The following SNCAIP variants were observed in gnomAD, a reference collection of about 807,000 sequenced individuals.
The protein encoded by SNCAIP is synphilin-1.
A neutral mutation model predicts 86.7 loss-of-function variants in SNCAIP; 43 were observed. That is an observed-to-expected ratio of 0.50 (90% CI 0.39 to 0.64). The LOEUF (loss-of-function observed/expected upper bound fraction) is 0.64. SNCAIP is among the 30% of genes least tolerant of loss of function. The probability of loss-of-function intolerance (pLI) is 0.00; values close to 1 mark genes in which losing one functional copy is unlikely to be tolerated. For synonymous variants in SNCAIP, 417 were observed against 427.2 expected, an observed-to-expected ratio of 0.98 and a Z score of 0.29; for missense variants, 981 against 1,103.1, an observed-to-expected ratio of 0.89 and a Z score of 1.57.
At chr5:122,318,739 C>A (rs907069227) in intron 1 of SNCAIP, among the ~76,000 whole-genome samples, 12 of 152,058 alleles carry the variant, frequency 7.9e-5, no homozygotes, top group African/African-American at 2.9e-4. Context: ...CTAATAACAA[C>A]CTTAAGGAGG....
At chr5:122,376,592 G>A (rs913527415) in intron 1 of SNCAIP, among the ~76,000 whole-genome samples, 1 of 152,064 alleles carries the variant, frequency 6.6e-6, no homozygotes, top group East Asian at 1.9e-4. Flanking sequence ...TTTTGTCCTT[G>A]TGGAATTGAT....
chr5:122,409,172 A>G (rs917814841), intron 3 of SNCAIP, among the ~76,000 whole-genome samples: 4 of 152,236 alleles, frequency 2.6e-5, no homozygotes, highest in Admixed American at 2.0e-4. Flanking sequence ...TCATGTGGGA[A>G]AAGAGGACAC....
chr5:122,444,278 C>G, intron 7 of SNCAIP: 1 of 516,122 alleles, frequency 1.9e-6, no homozygotes. Flanking sequence ...AGAGACAGAA[C>G]TCCCCACCAC....
intron 3 of SNCAIP, among the ~76,000 whole-genome samples, chr5:122,417,792 T>C (rs935823172): frequency 1.3e-5 from 2 of 152,142 alleles, no homozygotes; most frequent in South Asian, 4.1e-4. Flanking sequence ...TGGTCCCCAG[T>C]ATCTTCAAGG....
At chr5:122,395,401 A>G (rs916428934) in intron 2 of SNCAIP, among the ~76,000 whole-genome samples, 1 of 152,142 alleles carries the variant, frequency 6.6e-6, no homozygotes, top group Non-Finnish European at 1.5e-5. Flanking sequence ...ATGAAAGTTG[A>G]CTTTTTTGGC....
chr5:122,449,964 ATTCTTAAGTATCCTAAATTGTTAAGCC>A (rs1561800839), intron 9 of SNCAIP, 27 bp downstream of exon 9: 3 of 1,436,998 alleles, frequency 2.1e-6, no homozygotes, highest in Non-Finnish European at 2.9e-6. Flanking sequence ...GTTGTTTAGC[ATTCTTAAGTATCCTAAATTGTTAAGCC>A]TTCTTCTGAA....
At chr5:122,446,792 T>A (rs1782414866) in intron 8 of SNCAIP, among the ~76,000 whole-genome samples, 2 of 152,118 alleles carry the variant, frequency 1.3e-5, no homozygotes, top group South Asian at 4.1e-4. Flanking sequence ...AAAACACTAG[T>A]CTTCCCAGTC....
intron 2 of SNCAIP, among the ~76,000 whole-genome samples, chr5:122,402,122 G>A (rs1771945649): frequency 6.6e-6 from 1 of 151,904 alleles, no homozygotes; most frequent in Non-Finnish European, 1.5e-5. Context: ...TTTGCCAAAG[G>A]GTGTTTCATG....
At chr5:122,432,499 G>A (rs183334751) in intron 6 of SNCAIP, among the ~76,000 whole-genome samples, 207 of 152,004 alleles carry the variant, frequency 1.4e-3, no homozygotes, top group Middle Eastern at 6.8e-3. Context: ...AAGTGGCTTC[G>A]ATTTTCTATT....
At chr5:122,365,686 A>G (rs1865367) in intron 1 of SNCAIP, among the ~76,000 whole-genome samples, 120,790 of 152,144 alleles carry the variant, frequency 0.79, 48,915 homozygotes, top group Middle Eastern at 0.87. Flanking sequence ...CTCCATAAAA[A>G]AAAAGAAAAA....
chr5:122,420,943 A>G (rs192947787), intron 3 of SNCAIP, among the ~76,000 whole-genome samples: 49 of 152,356 alleles, frequency 3.2e-4, no homozygotes, highest in African/African-American at 1.1e-3. Flanking sequence ...CCCCTGTGAA[A>G]TTAAACTGTA....
At chr5:122,365,358 G>A (rs551491498) in intron 1 of SNCAIP, among the ~76,000 whole-genome samples, 27 of 152,258 alleles carry the variant, frequency 1.8e-4, no homozygotes, top group South Asian at 1.0e-3. Flanking sequence ...TACCGTCTAC[G>A]GCTAAGCCAA....
At chr5:122,444,271 GACA>G (rs1408119489) in intron 7 of SNCAIP, 6 of 511,754 alleles carry the variant, frequency 1.2e-5, no homozygotes, top group Non-Finnish European at 2.3e-5. Flanking sequence ...CATGACAAGA[GACA>G]GAACTCCCCA....
At chr5:122,444,927 A>G in intron 8 of SNCAIP, 195 bp downstream of exon 8, 1 of 635,620 alleles carries the variant, frequency 1.6e-6, no homozygotes, top group South Asian at 1.7e-5. Flanking sequence ...CAGAGGCAAA[A>G]GGATGTCTAA....
In SNCAIP at chr5:122,450,984, A is replaced by G; in HGVS notation, c.2137A>G (p.Ser713Gly). The G allele has an allele frequency of 6.2e-7, 1 of 1,614,212 alleles. No individual in the cohort carries two copies. Among genetic ancestry groups the G allele is most frequent in the Non-Finnish European group, 8.5e-7 (1 of 1,180,036 alleles). The change falls in exon 10 of 11, where the codon AGC becomes GGC. Residue 713 changes from serine to glycine, a missense_variant. By Grantham distance (56) the Ser-to-Gly change is moderately conservative. Coordinates refer to ENST00000261368, the MANE Select transcript of SNCAIP (RefSeq NM_005460.4). ...PIVESVESMD[S>G]AESLHLMIKK... is the part of the protein sequence containing the mutation. Reference sequence around the variant, plus strand: ...TGTAGAAAGCGTAGAGAGTATGGACAGCGCAGAAAGCCTGCACCTGATGAT... The same window carrying G: ...TGTAGAAAGCGTAGAGAGTATGGACGGCGCAGAAAGCCTGCACCTGATGAT...
intron 6 of SNCAIP, among the ~76,000 whole-genome samples, chr5:122,439,121 C>G (rs1252806764): frequency 2.0e-5 from 3 of 152,196 alleles, no homozygotes; most frequent in Admixed American, 6.5e-5. Flanking sequence ...AACAAAGGAA[C>G]TGCTTTTACG....
intron 5 of SNCAIP, among the ~76,000 whole-genome samples, chr5:122,430,026 A>C (rs1381874623): frequency 6.6e-6 from 1 of 152,146 alleles, no homozygotes; most frequent in Middle Eastern, 3.2e-3. Flanking sequence ...CTCATTCAGA[A>C]CAACCTTCTC....
At chr5:122,425,949 A>G (rs983568346) in intron 5 of SNCAIP, among the ~76,000 whole-genome samples, 8 of 152,202 alleles carry the variant, frequency 5.3e-5, no homozygotes, top group Admixed American at 4.6e-4. Context: ...CGCTTAACGG[A>G]TCACATCTGA....
chr5:122,415,719 G>A (rs1030603853), intron 3 of SNCAIP, among the ~76,000 whole-genome samples: 1 of 152,134 alleles, frequency 6.6e-6, no homozygotes, highest in Non-Finnish European at 1.5e-5. Context: ...AAATGTGTGC[G>A]TGCTGCACGG....
Sources: allele counts gnomAD v4.1 joint callset (sites outside exome capture counted in the v4.1 genomes callset), GRCh38; gene constraint gnomAD v4.1.1; transcripts MANE v1.5; gene names NCBI Gene and HGNC (gene_info 2026-07-23, HGNC 2026-07-21).